Variants in KHDRBS2 observed in about 807,000 individuals in gnomAD.
KHDRBS2 encodes KH domain-containing, RNA-binding, signal transduction-associated protein 2.
KHDRBS2 carries 26 observed loss-of-function variants against 44.3 expected under a neutral mutation model. The observed-to-expected ratio is 0.59, with a 90% confidence interval of 0.43 to 0.81. The LOEUF (loss-of-function observed/expected upper bound fraction) is 0.81, where lower values mean the gene tolerates loss of function less well. Ranked by LOEUF, KHDRBS2 falls within the 40% of genes least tolerant of loss-of-function variation. The pLI, the probability that KHDRBS2 is intolerant of heterozygous loss-of-function variation, is 0.00. For missense variants in KHDRBS2, 476 were observed against 433.1 expected, an observed-to-expected ratio of 1.10 and a Z score of -0.88; for synonymous variants, 194 against 151.1, an observed-to-expected ratio of 1.28 and a Z score of -2.08.
At chr6:61,816,373 A>C (rs1026194284) in intron 6 of KHDRBS2, among the ~76,000 whole-genome samples, 1 of 152,088 alleles carries the variant, frequency 6.6e-6, no homozygotes, top group Admixed American at 6.6e-5. Flanking sequence ...TGAAGAAGGA[A>C]GATGCCCGTG....
intron 3 of KHDRBS2, among the ~76,000 whole-genome samples, chr6:62,004,053 A>C (rs2138587): frequency 0.78 from 118,267 of 151,956 alleles, 46,326 homozygotes; most frequent in Non-Finnish European, 0.81. Context: ...GTAAAGCAGG[A>C]AAGATCTAAA....
the KHDRBS2 span, among the ~76,000 whole-genome samples, chr6:61,646,971 C>G: frequency 6.6e-6 from 1 of 152,050 alleles, no homozygotes; most frequent in East Asian, 1.9e-4. Flanking sequence ...AGGCACCCAC[C>G]ACCATGCCCG....
chr6:61,993,492 C>A (rs1776529398), intron 3 of KHDRBS2, among the ~76,000 whole-genome samples: 1 of 151,152 alleles, frequency 6.6e-6, no homozygotes. Context: ...AAGTTTTAAT[C>A]CAATCTCTTC....
chr6:61,577,046 T>C, the KHDRBS2 span, among the ~76,000 whole-genome samples: 2 of 152,130 alleles, frequency 1.3e-5, no homozygotes, highest in African/African-American at 2.4e-5. Flanking sequence ...GTGGGTAGAA[T>C]CTTATGTAAT....
At chr6:61,986,597 G>C (rs1005231342) in intron 3 of KHDRBS2, among the ~76,000 whole-genome samples, 3 of 152,100 alleles carry the variant, frequency 2.0e-5, no homozygotes, top group Non-Finnish European at 4.4e-5. Flanking sequence ...TCTTAGTCTG[G>C]TCAGGCTGCT....
the KHDRBS2 span, among the ~76,000 whole-genome samples, chr6:61,578,631 G>T: frequency 6.6e-6 from 1 of 152,074 alleles, no homozygotes; most frequent in African/African-American, 2.4e-5. Context: ...TAAGAAGTGG[G>T]CCTGCCCCAT....
intron 2 of KHDRBS2, among the ~76,000 whole-genome samples, chr6:62,070,122 G>T (rs1794644891): frequency 6.6e-6 from 1 of 151,676 alleles, no homozygotes; most frequent in Non-Finnish European, 1.5e-5. Flanking sequence ...TTGATCTACA[G>T]AAGTTAAACC....
the KHDRBS2 span, among the ~76,000 whole-genome samples, chr6:61,548,515 C>A: frequency 2.6e-5 from 4 of 152,234 alleles, no homozygotes; most frequent in Non-Finnish European, 1.5e-5. Context: ...AATTTAAGCA[C>A]TAGCAAGGCA....
chr6:62,005,834 A>G (rs1021863540), intron 3 of KHDRBS2, among the ~76,000 whole-genome samples: 4 of 151,960 alleles, frequency 2.6e-5, no homozygotes, highest in Non-Finnish European at 4.4e-5. Context: ...GCTGAAATGA[A>G]AATAGCAAAA....
the KHDRBS2 span, among the ~76,000 whole-genome samples, chr6:61,638,875 G>A: frequency 6.6e-6 from 1 of 152,016 alleles, no homozygotes; most frequent in East Asian, 1.9e-4. Context: ...TCTCTCCTAT[G>A]TTAAATGTGT....
intron 3 of KHDRBS2, among the ~76,000 whole-genome samples, chr6:62,000,557 G>T (rs149098456): frequency 5.5e-4 from 84 of 152,260 alleles, no homozygotes; most frequent in African/African-American, 1.9e-3. Flanking sequence ...TTAAAGATTC[G>T]TAAGAGTTAA....
At chr6:61,969,961 T>C (rs1221315861) in intron 4 of KHDRBS2, among the ~76,000 whole-genome samples, 1 of 151,954 alleles carries the variant, frequency 6.6e-6, no homozygotes, top group African/African-American at 2.4e-5. Context: ...AGTTTCCATA[T>C]TATAGAAGTC....
At chr6:61,922,440 C>T (rs542901429) in intron 4 of KHDRBS2, among the ~76,000 whole-genome samples, 1 of 151,990 alleles carries the variant, frequency 6.6e-6, no homozygotes, top group African/African-American at 2.4e-5. Context: ...CCAGAAAGAA[C>T]AACAAAGAGC....
intron 6 of KHDRBS2, among the ~76,000 whole-genome samples, chr6:61,822,220 G>T (rs59899220): frequency 6.6e-6 from 1 of 151,482 alleles, no homozygotes; most frequent in Non-Finnish European, 1.5e-5. Flanking sequence ...TCAGTCTATC[G>T]AAAACGAAGT....
chr6:61,856,549 CTT>C (rs368682594), intron 6 of KHDRBS2, among the ~76,000 whole-genome samples: 4 of 146,840 alleles, frequency 2.7e-5, no homozygotes, highest in South Asian at 2.1e-4. Flanking sequence ...ATTATGATTG[CTT>C]TTTTTTTTTC....
intron 2 of KHDRBS2, among the ~76,000 whole-genome samples, chr6:62,160,791 G>A (rs1354683711): frequency 6.6e-6 from 1 of 151,952 alleles, no homozygotes; most frequent in Non-Finnish European, 1.5e-5. Context: ...AGAGTTCTTT[G>A]TTCCAATTTT....
At chr6:62,108,345 A>T (rs1262247080) in intron 2 of KHDRBS2, among the ~76,000 whole-genome samples, 2 of 152,246 alleles carry the variant, frequency 1.3e-5, no homozygotes, top group Non-Finnish European at 2.9e-5. Context: ...ACATGAAAAA[A>T]TGCTCACCAT....
chr6:61,949,115 A>G (rs537205967), intron 4 of KHDRBS2, among the ~76,000 whole-genome samples: 1 of 152,182 alleles, frequency 6.6e-6, no homozygotes, highest in Admixed American at 6.6e-5. Context: ...GGCCCCATGG[A>G]AGAGGCTGTG....
At chr6:61,672,320 CTT>C in the KHDRBS2 span, among the ~76,000 whole-genome samples, 1 of 152,008 alleles carries the variant, frequency 6.6e-6, no homozygotes, top group Non-Finnish European at 1.5e-5. Flanking sequence ...GTGCATGTGT[CTT>C]TATAGCAGCA....
Sources: allele counts gnomAD v4.1 joint callset (sites outside exome capture counted in the v4.1 genomes callset), GRCh38; gene constraint gnomAD v4.1.1; transcripts MANE v1.5; gene names NCBI Gene and HGNC (gene_info 2026-07-23, HGNC 2026-07-21).